Variants in SIPA1L2 observed in about 807,000 individuals in gnomAD.
SIPA1L2 encodes signal induced proliferation associated 1 like 2.
A neutral mutation model predicts 163.9 loss-of-function variants in SIPA1L2; 56 were observed. That is an observed-to-expected ratio of 0.34 (90% CI 0.28 to 0.43). The LOEUF is 0.43. Among genes scored for constraint, SIPA1L2 ranks in the 20% least tolerant of loss-of-function variants. The probability of loss-of-function intolerance (pLI) is 1.00; values close to 1 mark genes in which losing one functional copy is unlikely to be tolerated. For missense variants in SIPA1L2, 1,974 were observed against 2,193.5 expected (o/e 0.90, Z 2.00); for synonymous variants, 877 against 865.7 (o/e 1.01, Z -0.23).
intron 18 of SIPA1L2, among the ~76,000 whole-genome samples, chr1:232,424,260 G>A (rs952482224): frequency 8.0e-6 from 1 of 125,012 alleles, no homozygotes; most frequent in Admixed American, 1.0e-4. Flanking sequence ...GAAAACCCCT[G>A]TATTTTTTGG....
intron 8 of SIPA1L2, among the ~76,000 whole-genome samples, chr1:232,468,252 T>C (rs538593463): frequency 4.6e-5 from 7 of 152,366 alleles, no homozygotes; most frequent in East Asian, 1.9e-4. Context: ...AATAACTCGA[T>C]AGCATTTATT....
chr1:232,406,900 A>G (rs1040908719), intron 19 of SIPA1L2, among the ~76,000 whole-genome samples: 3 of 152,252 alleles, frequency 2.0e-5, no homozygotes, highest in Non-Finnish European at 2.9e-5. Context: ...TGCAAACTAA[A>G]GACAAAGTAG....
chr1:232,564,730 G>A (rs371723990), intron 2 of SIPA1L2, among the ~76,000 whole-genome samples: 1 of 152,216 alleles, frequency 6.6e-6, no homozygotes, highest in African/African-American at 2.4e-5. Flanking sequence ...GGGACAGGAT[G>A]GCAGAAGTAT....
At position 232,417,512 on chromosome 1, in the gene SIPA1L2, A is replaced by T. The variant is rs76631333; in HGVS notation, c.4631-1887T>A. The stretch of plus-strand genomic sequence containing the variant: ...AGGTTAACCAGCAGAGGAGGGAAGC[A>T]GCAACGCAGGAGTGGGAGGTGGGAA... On this transcript the variant is annotated intron_variant, in intron 18 of 22. Transcript: ENST00000674635. 3.3e-3 allele frequency among the ~76,000 whole-genome samples: 495 copies of T among 152,250 alleles called. 2 individuals carry two copies. Among genetic ancestry groups the T allele is most frequent in the Non-Finnish European group, 5.2e-3 (357 of 68,018 alleles).
rs187437874 is a variant in SIPA1L2 at position 232,541,633 on chromosome 1, T to C, written c.-269-26025A>G. Among the ~76,000 whole-genome samples, 190 of 152,328 alleles carry C rather than the reference T, an allele frequency of 1.2e-3. 1 individual carries two copies. Among genetic ancestry groups the C allele is most frequent in the African/African-American group, 4.3e-3 (180 of 41,574 alleles). On this transcript the variant is annotated intron_variant, in intron 2 of 22. Coordinates refer to ENST00000674635, the MANE Select transcript of SIPA1L2 (RefSeq NM_020808.5). ...TTTGGTTCTTGTACATTAAAAGTGTTTTAAACTTAGACTTCCCCATCAACT... is the reference window on the plus strand; with the variant it reads ...TTTGGTTCTTGTACATTAAAAGTGTCTTAAACTTAGACTTCCCCATCAACT...
In SIPA1L2 at chr1:232,491,193, C is replaced by A. The variant is rs1572977064; in HGVS notation, c.1618-131G>T. 1.2e-5 allele frequency: 9 copies of A among 739,490 alleles called. No individual in the cohort carries two copies. In the East Asian group the frequency reaches 2.2e-4, roughly 18 times the overall value. 45.8% of individuals were successfully genotyped at this position (739,490 alleles called of 1,614,324 possible). On this transcript the variant is annotated intron_variant, in intron 4 of 22. Coordinates refer to ENST00000674635, the MANE Select transcript of SIPA1L2 (RefSeq NM_020808.5). ...TTTCTGAGTGTAGTGAAAGGGGCGA[C>A]AGTGTTCCATTTAAGGAAACAAAAT...
intron 18 of SIPA1L2, among the ~76,000 whole-genome samples, chr1:232,423,671 G>A (rs1271818427): frequency 1.3e-5 from 2 of 152,210 alleles, no homozygotes; most frequent in African/African-American, 4.8e-5. Flanking sequence ...TTTCAGCTAG[G>A]ACAGTGAATG....
intron 1 of SIPA1L2, among the ~76,000 whole-genome samples, chr1:232,620,428 A>G (rs1662741374): frequency 6.6e-6 from 1 of 152,204 alleles, no homozygotes. Context: ...TTGGAATAAC[A>G]AAGAGCGTAG....
intron 1 of SIPA1L2, among the ~76,000 whole-genome samples, chr1:232,628,673 C>T (rs1371626594): frequency 6.6e-6 from 1 of 152,088 alleles, no homozygotes; most frequent in African/African-American, 2.4e-5. Flanking sequence ...TAAAAAGCAA[C>T]AGTTTGGGAG....
chr1:232,437,968 T>G (rs1662666070), intron 15 of SIPA1L2, among the ~76,000 whole-genome samples: 1 of 152,034 alleles, frequency 6.6e-6, no homozygotes, highest in Non-Finnish European at 1.5e-5. Context: ...TTTGAGACGC[T>G]GGGTCAAGCA....
At chr1:232,471,288 T>C in intron 8 of SIPA1L2, 83 bp downstream of exon 8, 3 of 1,417,474 alleles carry the variant, frequency 2.1e-6, no homozygotes, top group Non-Finnish European at 2.9e-6. Flanking sequence ...CAAATAATAA[T>C]TGGCAAACAA....
Position 232,423,443 on chromosome 1 carries a change from G to A in SIPA1L2, c.4630+2146C>T, listed in dbSNP as rs113825634. ...GGAGGTTGGAAATCAGAAGTCTTTAGGGGAATACACTTCAATACAAATTAC... is the reference window on the plus strand; with the variant it reads ...GGAGGTTGGAAATCAGAAGTCTTTAAGGGAATACACTTCAATACAAATTAC... On this transcript the variant is annotated intron_variant, in intron 18 of 22. Coordinates refer to ENST00000674635, the MANE Select transcript of SIPA1L2 (RefSeq NM_020808.5). Among the ~76,000 whole-genome samples the A allele has an allele frequency of 1.5e-3, 229 of 152,264 alleles. 1 individual carries two copies. Among genetic ancestry groups the A allele is most frequent in the African/African-American group, 5.2e-3 (218 of 41,542 alleles).
chr1:232,537,752 T>C (rs1288847327), intron 2 of SIPA1L2, among the ~76,000 whole-genome samples: 2 of 152,156 alleles, frequency 1.3e-5, no homozygotes, highest in Non-Finnish European at 2.9e-5. Flanking sequence ...AAATGGAGAA[T>C]TAATAGGACC....
chr1:232,457,208 T>G (rs1013743388), intron 10 of SIPA1L2, among the ~76,000 whole-genome samples: 43 of 152,300 alleles, frequency 2.8e-4, no homozygotes, highest in African/African-American at 1.0e-3. Flanking sequence ...AGCTTCTGAG[T>G]CAAAACCAAA....
At chr1:232,505,473 T>C (rs1382601763) in intron 3 of SIPA1L2, among the ~76,000 whole-genome samples, 2 of 152,192 alleles carry the variant, frequency 1.3e-5, no homozygotes, top group Non-Finnish European at 2.9e-5. Flanking sequence ...CCCAGGGAAA[T>C]AATAGGGCAT....
intron 1 of SIPA1L2, among the ~76,000 whole-genome samples, chr1:232,608,187 A>G (rs1178918351): frequency 6.6e-6 from 1 of 152,126 alleles, no homozygotes; most frequent in Non-Finnish European, 1.5e-5. Context: ...CTGGAAATAC[A>G]GGCATACATC....
chr1:232,580,992 G>C (rs1422304307), intron 1 of SIPA1L2, among the ~76,000 whole-genome samples: 3 of 152,052 alleles, frequency 2.0e-5, no homozygotes, highest in Non-Finnish European at 4.4e-5. Context: ...ATGGCCCATA[G>C]CACCTATAAC....
Position 232,403,503 on chromosome 1 carries a change from C to T in SIPA1L2, c.4885G>A (p.Glu1629Lys), listed in dbSNP as rs373866889. ...QHGQDLEGAQ[E>K]LPLCVDPGSG... ...CCTGGATCTACACATAAGGGCAGCT[C>T]TTGGGCCCCTTCCAGGTCCTGCCCA... The change falls in exon 21 of 23, where the codon GAG (glutamate) becomes AAG (lysine). Residue 1629 changes from glutamate to lysine, a missense_variant. By Grantham distance (56) the Glu-to-Lys change is moderately conservative. Coordinates refer to ENST00000674635, the MANE Select transcript of SIPA1L2 (RefSeq NM_020808.5). The T allele has an allele frequency of 2.5e-5, 40 of 1,614,052 alleles. No individual in the cohort carries two copies. Among genetic ancestry groups the T allele is most frequent in the Non-Finnish European group, 3.3e-5 (39 of 1,180,030 alleles).
intron 19 of SIPA1L2, among the ~76,000 whole-genome samples, chr1:232,408,911 AC>A (rs1373781006): frequency 1.3e-5 from 2 of 151,996 alleles, no homozygotes; most frequent in African/African-American, 4.8e-5. Context: ...TTCTCTCACT[AC>A]TCCATAATTA....
Sources: gnomAD v4.1 joint callset for allele counts (sites outside exome capture counted in the v4.1 genomes callset) on GRCh38, gnomAD v4.1.1 for gene constraint, MANE v1.5 for transcripts, NCBI Gene and HGNC (gene_info 2026-07-23, HGNC 2026-07-21) for gene names.